MAPK8IP2: variants seen among roughly 807,000 people sequenced by gnomAD.
The protein encoded by MAPK8IP2 is mitogen-activated protein kinase 8 interacting protein 2.
MAPK8IP2 carries 15 observed loss-of-function variants against 75.6 expected under a neutral mutation model. The observed-to-expected ratio is 0.20, with a 90% CI of 0.13 to 0.31. The LOEUF is 0.31. Among genes scored for constraint, MAPK8IP2 ranks in the 10% least tolerant of loss-of-function variants. The probability of loss-of-function intolerance (pLI) is 1.00; values close to 1 mark genes in which losing one functional copy is unlikely to be tolerated. For missense variants in MAPK8IP2, 1,089 were observed against 1,211.2 expected (o/e 0.90, Z 1.50); for synonymous variants, 632 against 554.5 (o/e 1.14, Z -1.96).
At position 50,604,482 on chromosome 22, in the gene MAPK8IP2, C is replaced by G. The variant is rs2071006333; in HGVS notation, c.1183C>G (p.Gln395Glu). The change falls in exon 5 of 12, where the codon CAG (glutamine) becomes GAG (glutamate). Residue 395 changes from glutamine to glutamate, a missense_variant. Gln to Glu is a conservative substitution (Grantham distance 29, BLOSUM62 2). Around this residue, in one of 2 missense-constraint regions of MAPK8IP2, gnomAD observed 960 missense variants for 1,009.6 expected, o/e 0.95. Coordinates refer to ENST00000329492, the MANE Select transcript of MAPK8IP2 (RefSeq NM_012324.6). ...GGCCGGCGGGGCCGCCCAGGACTCC[C>G]AGGACCCCGAGGCGGCCGCGGGGCC... The part of the protein sequence containing the change: ...SPAGGAAQDS[Q>E]DPEAAAGPGG... 7.8e-7 allele frequency: 1 copy of G among 1,286,412 alleles called. No individual in the cohort carries two copies. The highest frequency in any genetic ancestry group is 3.2e-5 in the East Asian group (1 of 31,094). 79.7% of individuals were successfully genotyped at this position (1,286,412 alleles called of 1,614,324 possible). A position where few individuals can be genotyped will look rare whatever the true frequency, so the allele number is the denominator to read the frequency against.
chr22:50,612,786 C>T lies in MAPK8IP2; in HGVS notation c.*2007C>T, dbSNP rs7285093. 42,543 of 144,226 alleles carry T rather than the reference C, an allele frequency of 0.29. 7,324 individuals carry two copies. The highest frequency in any genetic ancestry group is 0.5 in the African/African-American group (20,337 of 40,342). 8.9% of individuals were successfully genotyped at this position (144,226 alleles called of 1,614,324 possible). A position where few individuals can be genotyped will look rare whatever the true frequency, so the allele number is the denominator to read the frequency against. ...CCCTGTAGCTGCTGCCTGGAAACCG[C>T]TGCCACCCACCCACCTCCTCCCTCT... On this transcript the variant is annotated 3_prime_UTR_variant, in exon 12 of 12. Coordinates refer to ENST00000329492, the MANE Select transcript of MAPK8IP2 (RefSeq NM_012324.6).
intron 10 of MAPK8IP2, among the ~76,000 whole-genome samples, chr22:50,608,708 T>TCACC: frequency 9.5e-6 from 1 of 105,260 alleles, no homozygotes; most frequent in Non-Finnish European, 1.9e-5. Context: ...GGTGGAGAGG[T>TCACC]GGGACAGTGG....
At chr22:50,609,316 G>C (rs2071106029) in intron 10 of MAPK8IP2, among the ~76,000 whole-genome samples, 1 of 152,154 alleles carries the variant, frequency 6.6e-6, no homozygotes, top group Non-Finnish European at 1.5e-5. Flanking sequence ...GAACCTCTGT[G>C]CCTAGCTCTC....
chr22:50,606,733 G>A lies in MAPK8IP2; in HGVS notation c.2200G>A (p.Val734Ile), dbSNP rs1269870049. Residue 734 changes from valine to isoleucine, a missense_variant, in exon 9 of 12, where the codon GTC becomes ATC. Val to Ile is a conservative substitution (Grantham distance 29). This residue lies in a region of MAPK8IP2 where 129 missense variants were observed against 201.7 expected (regional missense o/e 0.64). Coordinates refer to ENST00000329492, the MANE Select transcript of MAPK8IP2 (RefSeq NM_012324.6). ...SCDLEISLRG[V>I]KLSLSGGGPE... ...TGACCTCGAGATCTCTCTTCGGGGG[G>A]TCAAGCTGAGTCTGAGCGGAGGAGG... is the stretch of plus-strand genomic sequence containing the variant. 4 of 1,587,374 alleles carry A rather than the reference G, an allele frequency of 2.5e-6. No homozygotes were observed. Among genetic ancestry groups the A allele is most frequent in the Non-Finnish European group, 2.6e-6 (3 of 1,167,006 alleles).
rs1006303321 is a variant in MAPK8IP2 at position 50,604,933 on chromosome 22, G to A, written c.1634G>A (p.Ser545Asn). The change falls in exon 5 of 12, where the codon AGC (serine) becomes AAC (asparagine). Residue 545 changes from serine to asparagine, a missense_variant. Physicochemically the swap from Ser to Asn is conservative, Grantham distance 46. Coordinates refer to ENST00000329492, the MANE Select transcript of MAPK8IP2 (RefSeq NM_012324.6). The part of the protein sequence containing the change: ...DSEEDSGGEA[S>N]EEEAGAALLG... ...GAAGAGGACAGCGGCGGGGAGGCCA[G>A]CGAGGAGGAGGCGGGCGCGGCGCTG... 2 of 1,609,540 alleles carry A rather than the reference G, an allele frequency of 1.2e-6. No individual in the cohort carries two copies. The highest frequency in any genetic ancestry group is 1.7e-6 in the Non-Finnish European group (2 of 1,178,614).
chr22:50,605,325 T>C (rs938708424), intron 5 of MAPK8IP2, 43 bp from the exon 6 acceptor site: 3 of 1,578,114 alleles, frequency 1.9e-6, no homozygotes, highest in Non-Finnish European at 2.6e-6. Context: ...ACTCTGACTC[T>C]GTCTCCCTGT....
intron 10 of MAPK8IP2, among the ~76,000 whole-genome samples, chr22:50,608,688 A>C (rs369468729): frequency 7.3e-5 from 9 of 122,904 alleles, no homozygotes; most frequent in East Asian, 2.4e-4. Context: ...GACAGCAGGG[A>C]CAGCTCTGGG....
At position 50,603,362 on chromosome 22, in the gene MAPK8IP2, G is replaced by A; in HGVS notation, c.311G>A (p.Gly104Glu). Residue 104 changes from glycine to glutamate, a missense_variant, in exon 3 of 12, where the codon GGA (glycine) becomes GAA (glutamate). Transcript: ENST00000329492. ...GAAGAGGAGGAGGAGGAGGAGGAGG[G>A]AGATGGGGAAGGCCAGGAGGGAGGA... ...DEEEEEEEEE[G>E]DGEGQEGGDP... 3 of 1,554,486 alleles carry A rather than the reference G, an allele frequency of 1.9e-6. No homozygotes were observed. The highest frequency in any genetic ancestry group is 2.4e-5 in the East Asian group (1 of 41,722).
In MAPK8IP2 at chr22:50,612,107, G is replaced by A. The variant is rs1249379214; in HGVS notation, c.*1328G>A. ...GAATCGCTTGAACCTGGGAGGCGGA[G>A]GTTGCAGTGAGCCAAGATTGCACCA... On this transcript the variant is annotated 3_prime_UTR_variant, in exon 12 of 12. Coordinates refer to ENST00000329492, the MANE Select transcript of MAPK8IP2 (RefSeq NM_012324.6). The A allele has an allele frequency of 2.0e-5, 3 of 152,270 alleles. No individual in the cohort carries two copies. The South Asian group carries it at 6.2e-4, about 31-fold the overall frequency. The allele number at this position is 152,270 out of a possible 1,614,324, so 9.4% of individuals were successfully genotyped here. A position where few individuals can be genotyped will look rare whatever the true frequency, so the allele number is the denominator to read the frequency against.
At chr22:50,600,911 G>A (rs2070924562) in intron 1 of MAPK8IP2, 28 bp downstream of exon 1, 3 of 1,169,964 alleles carry the variant, frequency 2.6e-6, no homozygotes, top group Non-Finnish European at 3.3e-6. Context: ...CGGGCCGGGC[G>A]GACCCTCCGC....
rs753304012 is a variant in MAPK8IP2, at chr22:50,610,021, T to C, written c.2304-191T>C. The C allele has an allele frequency of 9.5e-6, 7 of 734,762 alleles. No individual in the cohort carries two copies. The highest frequency in any genetic ancestry group is 1.5e-5 in the Non-Finnish European group (6 of 401,822). 45.5% of individuals were successfully genotyped at this position (734,762 alleles called of 1,614,324 possible). A position where few individuals can be genotyped will look rare whatever the true frequency, so the allele number is the denominator to read the frequency against. On this transcript the variant is annotated intron_variant, in intron 10 of 11. Coordinates refer to ENST00000329492, the MANE Select transcript of MAPK8IP2 (RefSeq NM_012324.6). This position sits in a 1 kb window ranked among gnomAD's most constrained non-coding sequence, Gnocchi z 4.3. ...ACTCAGAGCGTGAACTCTTGGTAGGTGCCCAGCCCTGTGCTTGGGCTGAAA... is the reference window on the plus strand; with the variant it reads ...ACTCAGAGCGTGAACTCTTGGTAGGCGCCCAGCCCTGTGCTTGGGCTGAAA...
rs2071180835 is a variant in MAPK8IP2 at position 50,613,387 on chromosome 22, C to G, written c.*2608C>G. 1 of 152,820 alleles carries G rather than the reference C, an allele frequency of 6.5e-6. No homozygotes were observed. The highest frequency in any genetic ancestry group is 2.4e-5 in the African/African-American group (1 of 41,450). 9.5% of individuals were successfully genotyped at this position (152,820 alleles called of 1,614,324 possible). On this transcript the variant is annotated 3_prime_UTR_variant, in exon 12 of 12. Coordinates refer to ENST00000329492, the MANE Select transcript of MAPK8IP2 (RefSeq NM_012324.6). ...AGCTGCAGGCCTTGGTCACCCCAGACTCCTCCCTCCTGTCACCCTTATCCT... is the reference window on the plus strand; with the variant it reads ...AGCTGCAGGCCTTGGTCACCCCAGAGTCCTCCCTCCTGTCACCCTTATCCT...
Position 50,604,977 on chromosome 22 carries a change from T to C in MAPK8IP2, c.1678T>C (p.Ser560Pro), listed in dbSNP as rs200198575. The change falls in exon 5 of 12, where the codon TCG becomes CCG. Residue 560 changes from serine to proline, a missense_variant. By Grantham distance (74) the Ser-to-Pro change is moderately conservative (BLOSUM62 -1). Coordinates refer to ENST00000329492, the MANE Select transcript of MAPK8IP2 (RefSeq NM_012324.6). Reference protein sequence around the residue: ...GAALLGGGQVSGDTSPDSPDL... With the variant: ...GAALLGGGQVPGDTSPDSPDL... ...GGCGCTGCTAGGCGGCGGTCAGGTC[T>C]CGGGGGACACCTCGCCGGACAGCCC... The C allele has an allele frequency of 2.4e-4, 390 of 1,612,216 alleles. 1 individual carries two copies. In the Middle Eastern group the frequency reaches 3.8e-3, roughly 16 times the overall value.
chr22:50,604,870 T>G lies in MAPK8IP2; in HGVS notation c.1571T>G (p.Val524Gly). 8 of 1,603,664 alleles carry G rather than the reference T, an allele frequency of 5.0e-6. No individual in the cohort carries two copies. Among genetic ancestry groups the G allele is most frequent in the Non-Finnish European group, 6.8e-6 (8 of 1,176,530 alleles). The change falls in exon 5 of 12, where the codon GTG becomes GGG. Residue 524 changes from valine to glycine, a missense_variant. Physicochemically the swap from Val to Gly is moderately radical, Grantham distance 109 (BLOSUM62 -3). This residue lies in a region of MAPK8IP2 where 960 missense variants were observed against 1,009.6 expected (regional missense o/e 0.95). Coordinates refer to ENST00000329492, the MANE Select transcript of MAPK8IP2 (RefSeq NM_012324.6). ...GATGAGCACACGCAGCTGGAGCTGG[T>G]GAGCCTGCGGCGCTGTGCTGGGCTG... ...VVDEHTQLEL[V>G]SLRRCAGLGH...
intron 6 of MAPK8IP2, 24 bp downstream of exon 6, chr22:50,605,467 G>T (rs569721868): frequency 3.1e-6 from 5 of 1,612,572 alleles, no homozygotes; most frequent in Non-Finnish European, 4.2e-6. Flanking sequence ...CCTTGCTGGC[G>T]GTGGCCCCAG....
Position 50,605,613 on chromosome 22 carries a change from G to A in MAPK8IP2, c.1893G>A (p.Val631=). ...DELELDVDDP[V]LVEAEEDDFW... ...TGGAGCTGGATGTGGATGACCCTGT[G>A]TTGGTGGAGGCCGAGGAGGACGACT... Residue 631 remains valine, a synonymous_variant, in exon 7 of 12, where the codon GTG becomes GTA. Coordinates refer to ENST00000329492, the MANE Select transcript of MAPK8IP2 (RefSeq NM_012324.6). The A allele has an allele frequency of 6.2e-7, 1 of 1,608,626 alleles. No homozygotes were observed. Among genetic ancestry groups the A allele is most frequent in the Non-Finnish European group, 8.5e-7 (1 of 1,177,828 alleles).
At chr22:50,606,872 G>A in intron 9 of MAPK8IP2, 49 bp from the exon 10 acceptor site, 1 of 1,596,282 alleles carries the variant, frequency 6.3e-7, no homozygotes, top group Non-Finnish European at 8.6e-7. Flanking sequence ...AGGCAGGGGT[G>A]GCGCCAGGCC....
rs1253032328 is a variant in MAPK8IP2, at chr22:50,603,333, C to CGAGGAAGAGGAG, written c.288_299dup (p.Glu100_Glu103dup). On this transcript the variant is annotated inframe_insertion, in exon 3 of 12. Coordinates refer to ENST00000329492, the MANE Select transcript of MAPK8IP2 (RefSeq NM_012324.6). Reference sequence around the variant, plus strand: ...ACAATGAAGAGGAGGACGATGAGGACGAGGAAGAGGAGGAGGAGGAGGAGG... The same window carrying CGAGGAAGAGGAG: ...ACAATGAAGAGGAGGACGATGAGGACGAGGAAGAGGAGGAGGAAGAGGAGGAGGAGGAGGAGG... The CGAGGAAGAGGAG allele has an allele frequency of 1.9e-6, 3 of 1,558,488 alleles. No homozygotes were observed. In the East Asian group the frequency reaches 7.1e-5, roughly 37 times the overall value.
Position 50,604,205 on chromosome 22 carries a change from G to C in MAPK8IP2, c.906G>C (p.Ser302=), listed in dbSNP as rs1450340706. The change falls in exon 5 of 12, where the codon TCG becomes TCC. Residue 302 remains serine (S), a synonymous_variant. Coordinates refer to ENST00000329492, the MANE Select transcript of MAPK8IP2 (RefSeq NM_012324.6). The part of the protein sequence containing the change: ...HLTNSIEEAS[S]PASEPEPPRE... ...CCAACTCCATCGAGGAGGCCTCGTC[G>C]CCCGCCTCGGAGCCGGAGCCCCCGC... 10 of 1,543,922 alleles carry C rather than the reference G, an allele frequency of 6.5e-6. No individual in the cohort carries two copies. The highest frequency in any genetic ancestry group is 6.9e-6 in the Non-Finnish European group (8 of 1,152,518).
Sources: gnomAD v4.1 joint callset for allele counts (sites outside exome capture counted in the v4.1 genomes callset) on GRCh38, gnomAD v4.1.1 for gene constraint, gnomAD v4.1.1 regional missense constraint, Gnocchi (gnomAD v3.1) non-coding constraint, MANE v1.5 for transcripts, NCBI Gene and HGNC (gene_info 2026-07-23, HGNC 2026-07-21) for gene names.